EPM2A: variants seen among roughly 807,000 people sequenced by gnomAD.
The protein encoded by EPM2A is laforin.
In EPM2A, 21 loss-of-function variants were observed where a neutral mutation model predicts 26.5. That is an observed-to-expected ratio of 0.79 (90% CI 0.56 to 1.14). EPM2A has a LOEUF of 1.14. Among genes scored for constraint, EPM2A ranks in the 50% most tolerant of loss-of-function variants. The probability of loss-of-function intolerance (pLI) is 0.00; values close to 1 mark genes in which losing one functional copy is unlikely to be tolerated. For missense variants in EPM2A, 458 were observed against 440.8 expected (o/e 1.04, Z -0.35); for synonymous variants, 217 against 177.6 (o/e 1.22, Z -1.76).
intron 4 of EPM2A, among the ~76,000 whole-genome samples, chr6:145,445,047 G>A (rs1582760958): frequency 6.6e-6 from 1 of 152,118 alleles, no homozygotes; most frequent in South Asian, 2.1e-4. Context: ...TGTTTACTAA[G>A]GTGCTGTGTG....
chr6:145,541,058 A>G (rs1285299595), intron 2 of EPM2A, among the ~76,000 whole-genome samples: 1 of 152,040 alleles, frequency 6.6e-6, no homozygotes, highest in Middle Eastern at 3.4e-3. Context: ...CACGCATTCC[A>G]TTTTCCCCCT....
At chr6:145,556,048 T>G (rs1188242419) in intron 2 of EPM2A, among the ~76,000 whole-genome samples, 1 of 152,202 alleles carries the variant, frequency 6.6e-6, no homozygotes, top group Non-Finnish European at 1.5e-5. Flanking sequence ...CATTATTTTT[T>G]TCTCTGCTTA....
At chr6:145,580,836 A>G (rs1304631826) in intron 2 of EPM2A, among the ~76,000 whole-genome samples, 1 of 152,192 alleles carries the variant, frequency 6.6e-6, no homozygotes, top group Non-Finnish European at 1.5e-5. Context: ...ATGTTGCTGC[A>G]AAGGACATGA....
intron 1 of EPM2A, among the ~76,000 whole-genome samples, chr6:145,699,146 A>G (rs1326526940): frequency 2.0e-5 from 3 of 152,228 alleles, no homozygotes; most frequent in Non-Finnish European, 4.4e-5. Flanking sequence ...ATCCAGTCCT[A>G]TGCTAGGAAG....
chr6:145,612,685 T>C (rs1203515085), intron 2 of EPM2A, among the ~76,000 whole-genome samples: 4 of 148,950 alleles, frequency 2.7e-5, no homozygotes, highest in South Asian at 4.2e-4. Flanking sequence ...TTTATATTCA[T>C]TGTTATCTAT....
intron 2 of EPM2A, among the ~76,000 whole-genome samples, chr6:145,603,930 C>T (rs752477213): frequency 2.4e-4 from 37 of 152,082 alleles, no homozygotes; most frequent in Non-Finnish European, 4.0e-4. Flanking sequence ...TTACCAGTAA[C>T]ATGTAAAAGT....
At chr6:145,726,628 T>G (rs1437708019) in intron 1 of EPM2A, among the ~76,000 whole-genome samples, 1 of 152,138 alleles carries the variant, frequency 6.6e-6, no homozygotes, top group Non-Finnish European at 1.5e-5. Flanking sequence ...CACTTTACTT[T>G]GATGGTCTTC....
intron 4 of EPM2A, among the ~76,000 whole-genome samples, chr6:145,429,824 T>C (rs1395368562): frequency 6.6e-6 from 1 of 152,230 alleles, no homozygotes; most frequent in South Asian, 2.1e-4. Flanking sequence ...TGTGATATTT[T>C]AATGGCTCAG....
intron 2 of EPM2A, among the ~76,000 whole-genome samples, chr6:145,544,459 G>A (rs1053379141): frequency 1.3e-5 from 2 of 152,144 alleles, no homozygotes; most frequent in African/African-American, 4.8e-5. Context: ...AAGCAAAATA[G>A]CCAGCAATCA....
At chr6:145,615,077 A>C (rs1775476538) in intron 2 of EPM2A, among the ~76,000 whole-genome samples, 1 of 152,212 alleles carries the variant, frequency 6.6e-6, no homozygotes, top group Admixed American at 6.5e-5. Context: ...TTAGCCCATG[A>C]TGGCAAGCCA....
chr6:145,660,577 G>A (rs953767817), intron 2 of EPM2A, among the ~76,000 whole-genome samples: 3 of 152,134 alleles, frequency 2.0e-5, no homozygotes, highest in Admixed American at 2.0e-4. Context: ...AGAGGCAGGC[G>A]GATCACCTGA....
At chr6:145,419,335 C>T (rs1778752603) in intron 4 of EPM2A, among the ~76,000 whole-genome samples, 1 of 152,098 alleles carries the variant, frequency 6.6e-6, no homozygotes, top group African/African-American at 2.4e-5. Context: ...AAAAGTCCTT[C>T]CAGGTCTAAT....
chr6:145,512,710 C>CAAA (rs58668403), intron 2 of EPM2A, among the ~76,000 whole-genome samples: 4 of 22,538 alleles, frequency 1.8e-4, no homozygotes, highest in East Asian at 1.0e-3. Context: ...GACTCCATCT[C>CAAA]AAAAAAAAAA....
At position 145,459,673 on chromosome 6, in the gene EPM2A, C is replaced by T. The variant is rs143544865; in HGVS notation, c.555+42849G>A. Reference sequence around the variant, plus strand: ...GATGGCTACCATCTTACTGCTATCTCCTCTTTTACTATACACTTCTTTTAG... The same window carrying T: ...GATGGCTACCATCTTACTGCTATCTTCTCTTTTACTATACACTTCTTTTAG... On this transcript the variant is annotated intron_variant, in intron 4 of 4. Coordinates refer to the EPM2A transcript ENST00000638717. Among the ~76,000 whole-genome samples, 424 of 151,690 alleles carry T rather than the reference C, an allele frequency of 2.8e-3. 6 individuals carry two copies. The highest frequency in any genetic ancestry group is 0.02 in the Admixed American group (305 of 15,134).
rs1451400419 is a variant in EPM2A, at chr6:145,702,562, A to G, written c.302-16266T>C. ...AGATAATCCATTTAAAAGATTTAACATAGAAACTATCACAGTTGATGTTCA... is the reference window on the plus strand; with the variant it reads ...AGATAATCCATTTAAAAGATTTAACGTAGAAACTATCACAGTTGATGTTCA... On this transcript the variant is annotated intron_variant, in intron 1 of 3. Coordinates refer to ENST00000367519, the MANE Select transcript of EPM2A (RefSeq NM_005670.4). 2.6e-5 allele frequency among the ~76,000 whole-genome samples: 4 copies of G among 152,244 alleles called. No individual in the cohort carries two copies. In the East Asian group the frequency reaches 7.7e-4, roughly 29 times the overall value.
intron 4 of EPM2A, among the ~76,000 whole-genome samples, chr6:145,430,247 T>C (rs893233699): frequency 1.3e-5 from 2 of 151,452 alleles, no homozygotes; most frequent in African/African-American, 2.4e-5. Flanking sequence ...AAATAAATAA[T>C]CCCCAAAATG....
chr6:145,505,270 T>G (rs1779955330), intron 2 of EPM2A, among the ~76,000 whole-genome samples: 1 of 152,032 alleles, frequency 6.6e-6, no homozygotes, highest in Non-Finnish European at 1.5e-5. Context: ...TATTTTGAAA[T>G]AATTTCAGAC....
intron 2 of EPM2A, among the ~76,000 whole-genome samples, chr6:145,675,904 C>A (rs1057103272): frequency 6.6e-6 from 1 of 152,114 alleles, no homozygotes; most frequent in Non-Finnish European, 1.5e-5. Flanking sequence ...ATATCCAGGA[C>A]TTGAACTCAC....
chr6:145,501,814 T>C, exon 4 of EPM2A: 2 of 471,208 alleles, frequency 4.2e-6, no homozygotes, highest in South Asian at 3.1e-5. Context: ...GTCTTACTTT[T>C]GTTTTAAGTA....
Sources: gnomAD v4.1 joint callset for allele counts (sites outside exome capture counted in the v4.1 genomes callset) on GRCh38, gnomAD v4.1.1 for gene constraint, MANE v1.5 for transcripts, NCBI Gene and HGNC (gene_info 2026-07-23, HGNC 2026-07-21) for gene names.